The following GPN3 variants were observed in gnomAD, a reference collection of about 807,000 sequenced individuals.
The protein encoded by GPN3 is GPN-loop GTPase 3, also known as ATP-binding domain 1 family member C.
In GPN3, 31 loss-of-function variants were observed where a neutral mutation model predicts 38.7. That is an observed-to-expected ratio of 0.80 (90% CI 0.60 to 1.08). The LOEUF (loss-of-function observed/expected upper bound fraction) is 1.08. Among genes scored for constraint, GPN3 ranks in the 50% least tolerant of loss-of-function variants. The pLI is 0.00. For synonymous variants in GPN3, 116 were observed against 120.2 expected, an observed-to-expected ratio of 0.96 and a Z score of 0.23; for missense variants, 301 against 354.4, an observed-to-expected ratio of 0.85 and a Z score of 1.21.
At chr12:110,468,300 T>G (rs2062652208), upstream of GPN3, 2 of 1,591,302 alleles carry the variant, frequency 1.3e-6, no homozygotes, top group African/African-American at 2.7e-5. Flanking sequence ...CAATCCACAT[T>G]CTTTCTACGC....
In GPN3 at chr12:110,459,725, C is replaced by T. The variant is rs2062573811; in HGVS notation, c.295G>A (p.Glu99Lys). 6.2e-7 allele frequency: 1 copy of T among 1,612,970 alleles called. No individual in the cohort carries two copies. The highest frequency in any genetic ancestry group is 8.5e-7 in the Non-Finnish European group (1 of 1,178,910). Reference protein sequence around the residue: ...DWLENCLGHVEDDYILFDCPG... With the variant: ...DWLENCLGHVKDDYILFDCPG... ...CAATCAAAAAGGATATAGTCGTCCT[C>T]TACATGGCCAAGACAGTTCTCCAGC... is the stretch of plus-strand genomic sequence containing the variant. Residue 99 changes from glutamate (E) to lysine (K), a missense_variant, in exon 3 of 8, where the codon GAG becomes AAG. Coordinates refer to ENST00000228827, the MANE Select transcript of GPN3 (RefSeq NM_016301.4).
chr12:110,455,877 C>T lies in GPN3; in HGVS notation c.504G>A (p.Pro168=), dbSNP rs79807973. The T allele has an allele frequency of 6.5e-5, 104 of 1,611,444 alleles. 1 individual carries two copies. In the Middle Eastern group the frequency reaches 6.6e-4, roughly 10 times the overall value. The change falls in exon 5 of 8, where the codon CCG becomes CCA. Residue 168 remains proline, a synonymous_variant. Coordinates refer to ENST00000228827, the MANE Select transcript of GPN3 (RefSeq NM_016301.4). ...ALSAMISLEI[P]QVNIMTKMDL... The stretch of plus-strand genomic sequence containing the variant: ...CCATTTTTGTCATGATGTTGACTTG[C>T]GGAATTTCTAGAGAGATCATGGCAC...
Position 110,453,767 on chromosome 12 carries a change from T to A in GPN3, c.768A>T (p.Glu256Asp). 1 of 1,602,752 alleles carries A rather than the reference T, an allele frequency of 6.2e-7. No individual in the cohort carries two copies. Among genetic ancestry groups the A allele is most frequent in the African/African-American group, 1.3e-5 (1 of 74,850 alleles). ...QHIDFAIQYG[E>D]DLEFKEPKER... is the part of the protein sequence containing the mutation. Reference sequence around the variant, plus strand: ...CCTTTGGTTCTTTAAATTCTAGGTCTTCTCCATATTGAATGGCAAAATCAA... The same window carrying A: ...CCTTTGGTTCTTTAAATTCTAGGTCATCTCCATATTGAATGGCAAAATCAA... The change falls in exon 7 of 8, where the codon GAA (glutamate) becomes GAT (aspartate). Residue 256 changes from glutamate (E) to aspartate (D), a missense_variant. Glu to Asp is a conservative substitution (Grantham distance 45). Coordinates refer to ENST00000228827, the MANE Select transcript of GPN3 (RefSeq NM_016301.4).
At chr12:110,467,775 G>A (rs542053358) in intron 1 of GPN3, among the ~76,000 whole-genome samples, 1 of 152,254 alleles carries the variant, frequency 6.6e-6, no homozygotes, top group East Asian at 1.9e-4. Flanking sequence ...TACCCTCCTG[G>A]GAGCGAGACA....
At chr12:110,461,417 C>T (rs1592965273) in intron 2 of GPN3, 1 of 597,246 alleles carries the variant, frequency 1.7e-6, no homozygotes, top group Non-Finnish European at 2.9e-6. Context: ...AAAAAAGACT[C>T]CATCTCAAAC....
At chr12:110,468,463 C>CT, upstream of GPN3, 1 of 1,537,102 alleles carries the variant, frequency 6.5e-7, no homozygotes, top group Non-Finnish European at 8.7e-7. Context: ...GCTGTCTAAG[C>CT]TTGGATACCT....
intron 7 of GPN3, among the ~76,000 whole-genome samples, chr12:110,453,380 C>T (rs747863460): frequency 1.3e-5 from 2 of 151,928 alleles, no homozygotes; most frequent in Admixed American, 6.6e-5. Context: ...TGCTTTACTT[C>T]GCTGGTAGTC....
chr12:110,467,691 C>A (rs2062644080), intron 1 of GPN3, among the ~76,000 whole-genome samples: 1 of 147,552 alleles, frequency 6.8e-6, no homozygotes, highest in African/African-American at 2.6e-5. Flanking sequence ...TACCACCTAC[C>A]ACCTAAAAGC....
chr12:110,463,138 G>A (rs2062602127), intron 2 of GPN3, among the ~76,000 whole-genome samples: 1 of 152,092 alleles, frequency 6.6e-6, no homozygotes, highest in Non-Finnish European at 1.5e-5. Flanking sequence ...ACATAAATCA[G>A]GCCAAGTGCG....
At position 110,452,967 on chromosome 12, in the gene GPN3, T is replaced by C; in HGVS notation, c.*67A>G. 1 of 800,940 alleles carries C rather than the reference T, an allele frequency of 1.2e-6. No individual in the cohort carries two copies. Among genetic ancestry groups the C allele is most frequent in the Admixed American group, 1.7e-5 (1 of 58,644 alleles). The allele number at this position is 800,940 out of a possible 1,614,324, so 49.6% of individuals were successfully genotyped here. A position where few individuals can be genotyped will look rare whatever the true frequency, so the allele number is the denominator to read the frequency against. On this transcript the variant is annotated 3_prime_UTR_variant, in exon 8 of 8. Transcript: ENST00000228827. ...TAAGTAGCTTTCTACTATTGCATCC[T>C]TTGAAGAGAAGAATGTTCTGCTGGT...
chr12:110,463,253 T>C (rs2062603422), intron 2 of GPN3, among the ~76,000 whole-genome samples: 1 of 150,330 alleles, frequency 6.7e-6, no homozygotes, highest in Non-Finnish European at 1.5e-5. Flanking sequence ...GCCTGGGCAA[T>C]GAGACCAGCC....
At chr12:110,454,388 CTT>C (rs762868668) in intron 6 of GPN3, among the ~76,000 whole-genome samples, 13 of 134,914 alleles carry the variant, frequency 9.6e-5, no homozygotes, top group Admixed American at 1.5e-4. Context: ...CTTTTTTTTT[CTT>C]TTTTTTTTTT....
At chr12:110,468,132 C>T (rs1168822683) in intron 1 of GPN3, 24 bp downstream of exon 1, 5 of 1,613,982 alleles carry the variant, frequency 3.1e-6, no homozygotes, top group Non-Finnish European at 4.2e-6. Flanking sequence ...CTACTTTTCT[C>T]TCCTTGTCCC....
At chr12:110,459,167 G>C (rs1173944950) in intron 3 of GPN3, among the ~76,000 whole-genome samples, 2 of 152,146 alleles carry the variant, frequency 1.3e-5, no homozygotes, top group African/African-American at 4.8e-5. Context: ...CATGAGGCCA[G>C]AGACCATGGC....
intron 2 of GPN3, among the ~76,000 whole-genome samples, chr12:110,462,792 T>TGGA (rs879840332): frequency 2.8e-3 from 432 of 152,204 alleles, no homozygotes; most frequent in Middle Eastern, 0.017. Flanking sequence ...AGTCTCGCTC[T>TGGA]GTTGCCCAGG....
intron 6 of GPN3, 30 bp downstream of exon 6, chr12:110,455,556 G>A (rs763024460): frequency 2.1e-6 from 2 of 935,852 alleles, no homozygotes; most frequent in South Asian, 1.4e-5. Context: ...CACTGCACCT[G>A]GCCAAAAAAT....
In GPN3 at chr12:110,453,031, T is replaced by G. The variant is rs954411615; in HGVS notation, c.*3A>C. ...CTTTAGATGGTTACTTTTAGTAAAC[T>G]CTTCATTCATCCTGGCATTCTTGAA... On this transcript the variant is annotated 3_prime_UTR_variant, in exon 8 of 8. Coordinates refer to ENST00000228827, the MANE Select transcript of GPN3 (RefSeq NM_016301.4). The G allele has an allele frequency of 6.2e-6, 8 of 1,288,994 alleles. No homozygotes were observed. The highest frequency in any genetic ancestry group is 9.1e-6 in the Non-Finnish European group (8 of 882,884). 79.8% of individuals were successfully genotyped at this position (1,288,994 alleles called of 1,614,324 possible).
At position 110,455,882 on chromosome 12, in the gene GPN3, T is replaced by C. The variant is rs1489983183; in HGVS notation, c.499A>G (p.Ile167Val). 3 of 1,611,618 alleles carry C rather than the reference T, an allele frequency of 1.9e-6. No homozygotes were observed. The Admixed American group carries it at 5.0e-5, about 27-fold the overall frequency. ...TTTGTCATGATGTTGACTTGCGGAATTTCTAGAGAGATCATGGCACTCAGG... is the reference window on the plus strand; with the variant it reads ...TTTGTCATGATGTTGACTTGCGGAACTTCTAGAGAGATCATGGCACTCAGG... ...AALSAMISLE[I>V]PQVNIMTKMD... The change falls in exon 5 of 8, where the codon ATT becomes GTT. Residue 167 changes from isoleucine (I) to valine (V), a missense_variant. Coordinates refer to ENST00000228827, the MANE Select transcript of GPN3 (RefSeq NM_016301.4).
intron 7 of GPN3, among the ~76,000 whole-genome samples, chr12:110,453,460 A>G (rs950261704): frequency 1.3e-5 from 2 of 152,222 alleles, no homozygotes; most frequent in African/African-American, 4.8e-5. Flanking sequence ...AGTCTTCTCA[A>G]TGACATACGT....
Sources: allele counts gnomAD v4.1 joint callset (sites outside exome capture counted in the v4.1 genomes callset), GRCh38; gene constraint gnomAD v4.1.1; transcripts MANE v1.5; gene names NCBI Gene and HGNC (gene_info 2026-07-23, HGNC 2026-07-21).